TENM3: variants seen among roughly 807,000 people sequenced by gnomAD.
The protein encoded by TENM3 is teneurin-3.
Under a neutral mutation model 255.1 loss-of-function variants are expected in TENM3, and 63 were observed. That is an observed-to-expected ratio of 0.25 (90% CI 0.20 to 0.30). The LOEUF (loss-of-function observed/expected upper bound fraction) is 0.30. TENM3 is among the 10% of genes least tolerant of loss of function. TENM3 has a pLI of 1.00. For synonymous variants in TENM3, 1,306 were observed against 1,322.3 expected (o/e 0.99, Z 0.27); for missense variants, 2,929 against 3,461.1 (o/e 0.85, Z 3.86).
At chr4:181,818,198 T>TA in the TENM3 span, among the ~76,000 whole-genome samples, 1 of 152,240 alleles carries the variant, frequency 6.6e-6, no homozygotes, top group Non-Finnish European at 1.5e-5. Flanking sequence ...AGTCCCCAGT[T>TA]ATTCACTCAA....
Position 182,600,919 on chromosome 4 carries a change from TTCA to T in TENM3, c.512-4_512-2del. ...TTTCTTTTTTTTTTTTTTTTTTTTT[TTCA>T]GAGCAACCTGCAAGCAATCAAGGCC... On this transcript the variant is annotated splice_acceptor_variant and splice_polypyrimidine_tract_variant and intron_variant, in intron 3 of 27. Transcript: ENST00000511685. LOFTEE classifies it high-confidence loss of function. 1.5e-6 allele frequency: 2 copies of T among 1,339,456 alleles called. No homozygotes were observed. Among genetic ancestry groups the T allele is most frequent in the South Asian group, 1.5e-5 (1 of 66,804 alleles). The allele number at this position is 1,339,456 out of a possible 1,614,324, so 83.0% of individuals were successfully genotyped here. A position where few individuals can be genotyped will look rare whatever the true frequency, so the allele number is the denominator to read the frequency against.
the TENM3 span, among the ~76,000 whole-genome samples, chr4:181,481,112 G>T: frequency 7.7e-6 from 1 of 129,722 alleles, no homozygotes; most frequent in African/African-American, 2.6e-5. Flanking sequence ...TAAGAATTTT[G>T]TAGAGTTTTA....
the TENM3 span, among the ~76,000 whole-genome samples, chr4:181,673,425 G>A: frequency 6.6e-6 from 1 of 152,060 alleles, no homozygotes; most frequent in Non-Finnish European, 1.5e-5. Context: ...ATAAAAACAA[G>A]CAATTCAATA....
chr4:182,039,238 AT>A, the TENM3 span, among the ~76,000 whole-genome samples: 1 of 152,052 alleles, frequency 6.6e-6, no homozygotes, highest in African/African-American at 2.4e-5. Context: ...AGACTTTTAA[AT>A]TTTTTCTTTC....
intron 3 of TENM3, among the ~76,000 whole-genome samples, chr4:182,397,633 G>A (rs12502506): frequency 0.079 from 11,956 of 152,034 alleles, 725 homozygotes; most frequent in East Asian, 0.19. Context: ...GGCTACTACC[G>A]TAACAAGCAA....
At position 182,681,967 on chromosome 4, in the gene TENM3, G is replaced by T. The variant is rs774311701; in HGVS notation, c.1988G>T (p.Gly663Val). Residue 663 changes from glycine to valine, a missense_variant, in exon 11 of 28, where the codon GGC becomes GTC. Around this residue, in one of 6 missense-constraint regions of TENM3, gnomAD observed 1,608 missense variants for 1,884.4 expected, o/e 0.85. Transcript: ENST00000511685. ...CACGGAACGTATCTTCAAGAAAGTG[G>T]CTCCTGCACGTGTGACCCTAACTGG... is the stretch of plus-strand genomic sequence containing the variant. Reference protein sequence around the residue: ...SGHGTYLQESGSCTCDPNWTG... With the variant: ...SGHGTYLQESVSCTCDPNWTG... 1.9e-6 allele frequency: 3 copies of T among 1,613,924 alleles called. No individual in the cohort carries two copies. The highest frequency in any genetic ancestry group is 8.5e-7 in the Non-Finnish European group (1 of 1,179,888).
At chr4:182,761,334 G>T (rs1561213373) in intron 22 of TENM3, among the ~76,000 whole-genome samples, 1 of 152,036 alleles carries the variant, frequency 6.6e-6, no homozygotes, top group South Asian at 2.1e-4. Flanking sequence ...CAGGAGAATC[G>T]CTTGAACCCG....
At chr4:181,749,182 G>T in the TENM3 span, among the ~76,000 whole-genome samples, 1 of 151,966 alleles carries the variant, frequency 6.6e-6, no homozygotes, top group African/African-American at 2.4e-5. Context: ...AAAAATGGTG[G>T]GAACTGTTTT....
the TENM3 span, among the ~76,000 whole-genome samples, chr4:181,942,189 T>C: frequency 6.6e-6 from 1 of 152,040 alleles, no homozygotes; most frequent in African/African-American, 2.4e-5. Flanking sequence ...AGGACTTTGG[T>C]ATCAGTTGAA....
intron 16 of TENM3, among the ~76,000 whole-genome samples, chr4:182,734,035 A>T (rs1760980968): frequency 6.6e-6 from 1 of 152,230 alleles, no homozygotes; most frequent in African/African-American, 2.4e-5. Context: ...AGAGCCTACT[A>T]TGTACAAGGT....
chr4:181,919,594 G>T, the TENM3 span, among the ~76,000 whole-genome samples: 2 of 151,982 alleles, frequency 1.3e-5, no homozygotes, highest in African/African-American at 4.8e-5. Flanking sequence ...TTGAAAGGTG[G>T]CAGGAGAAGG....
At chr4:181,801,287 C>T in the TENM3 span, among the ~76,000 whole-genome samples, 174 of 152,098 alleles carry the variant, frequency 1.1e-3, 1 homozygote, top group Non-Finnish European at 1.9e-3. Flanking sequence ...GTCTGAGAGA[C>T]GGAGATGAAC....
chr4:182,552,025 CAAAAAAA>C (rs11354411), intron 3 of TENM3, among the ~76,000 whole-genome samples: 2 of 108,730 alleles, frequency 1.8e-5, no homozygotes, highest in South Asian at 2.8e-4. Context: ...GACCCTGTCT[CAAAAAAA>C]AAAAAAAAAA....
intron 1 of TENM3, among the ~76,000 whole-genome samples, chr4:182,149,587 AC>A (rs2149573346): frequency 1.3e-5 from 2 of 152,172 alleles, no homozygotes; most frequent in Admixed American, 1.3e-4. Flanking sequence ...ATGAGATTTT[AC>A]TTCCCTGTTG....
At chr4:181,522,744 A>G in the TENM3 span, 1 of 712,108 alleles carries the variant, frequency 1.4e-6, no homozygotes. Flanking sequence ...TCATTCTTCT[A>G]AGAAAATGGA....
Position 182,549,378 on chromosome 4 carries a change from G to A in TENM3, c.512-51546G>A, listed in dbSNP as rs114656667. ...GTTGAGAGGAGTAGTTACCACTCTAGGATGAAGTCTATAATAGCATAAAAA... is the reference window on the plus strand; with the variant it reads ...GTTGAGAGGAGTAGTTACCACTCTAAGATGAAGTCTATAATAGCATAAAAA... On this transcript the variant is annotated intron_variant, in intron 3 of 27. Transcript: ENST00000511685. Among the ~76,000 whole-genome samples the A allele has an allele frequency of 6.9e-3, 1,052 of 152,300 alleles. 17 individuals carry two copies. Among genetic ancestry groups the A allele is most frequent in the African/African-American group, 0.024 (1,006 of 41,564 alleles).
chr4:182,728,947 G>A lies in TENM3; in HGVS notation c.2369-18G>A, dbSNP rs13340295. The A allele has an allele frequency of 0.058, 93,699 of 1,605,396 alleles. 3,474 individuals carry two copies. The highest frequency in any genetic ancestry group is 0.17 in the African/African-American group (12,615 of 74,698). ...TCAAAAGGAAAATTCTCTTACTGGG[G>A]AACATTTCTCTCTACAGATGGACTC... On this transcript the variant is annotated intron_variant, in intron 13 of 27. Transcript: ENST00000511685.
chr4:182,320,660 G>A (rs1037449603), intron 1 of TENM3, among the ~76,000 whole-genome samples: 1 of 152,186 alleles, frequency 6.6e-6, no homozygotes, highest in Non-Finnish European at 1.5e-5. Context: ...TGGGAGTTAA[G>A]ATTTCAGTTA....
At position 182,259,279 on chromosome 4, in the gene TENM3, T is replaced by G. The variant is rs147672859; in HGVS notation, c.-76+15803T>G. 7.2e-3 allele frequency among the ~76,000 whole-genome samples: 1,091 copies of G among 152,278 alleles called. 8 individuals carry two copies. Among genetic ancestry groups the G allele is most frequent in the African/African-American group, 0.024 (984 of 41,564 alleles). The stretch of plus-strand genomic sequence containing the variant: ...GGGAACAGCTTTCATATTTTACAAG[T>G]TATTTTTATGAATATTCTAAGAAAG... On this transcript the variant is annotated intron_variant, in intron 1 of 27. Transcript: ENST00000511685.
Sources: allele counts gnomAD v4.1 joint callset (sites outside exome capture counted in the v4.1 genomes callset), GRCh38; gene constraint gnomAD v4.1.1; regional missense constraint gnomAD v4.1.1; transcripts MANE v1.5; gene names NCBI Gene and HGNC (gene_info 2026-07-23, HGNC 2026-07-21).